IQCJ: variants seen among roughly 807,000 people sequenced by gnomAD.
IQCJ encodes IQ motif containing J.
IQCJ carries 9 observed loss-of-function variants against 11.0 expected under a neutral mutation model. The observed-to-expected ratio is 0.82, with a 90% CI of 0.49 to 1.43. IQCJ has a LOEUF of 1.43. Ranked by LOEUF, IQCJ falls within the 40% of genes most tolerant of loss-of-function variation. The probability of loss-of-function intolerance (pLI) is 0.00; values close to 1 mark genes in which losing one functional copy is unlikely to be tolerated. For synonymous variants in IQCJ, 55 were observed against 51.3 expected, an observed-to-expected ratio of 1.07 and a Z score of -0.31; for missense variants, 146 against 133.2, an observed-to-expected ratio of 1.10 and a Z score of -0.47.
chr3:159,156,931 T>A (rs1404582701), intron 1 of IQCJ, among the ~76,000 whole-genome samples: 1 of 152,162 alleles, frequency 6.6e-6, no homozygotes, highest in Non-Finnish European at 1.5e-5. Context: ...CTAGACTATT[T>A]TCAACTTTTT....
chr3:159,122,122 T>C (rs1294847375), intron 1 of IQCJ, among the ~76,000 whole-genome samples: 2 of 152,164 alleles, frequency 1.3e-5, no homozygotes, highest in Non-Finnish European at 2.9e-5. Context: ...TTTTTATTGG[T>C]TCATTGTGCT....
At chr3:159,218,307 A>G (rs996606209) in intron 1 of IQCJ, among the ~76,000 whole-genome samples, 4 of 151,612 alleles carry the variant, frequency 2.6e-5, no homozygotes, top group African/African-American at 9.7e-5. Context: ...TTGTTGAATA[A>G]ACAACTATGT....
In IQCJ at chr3:159,176,335, T is replaced by C. The variant is rs961059172; in HGVS notation, c.10-69508T>C. 5.9e-5 allele frequency among the ~76,000 whole-genome samples: 9 copies of C among 152,258 alleles called. No individual in the cohort carries two copies. The East Asian group carries it at 1.7e-3, about 29-fold the overall frequency. Reference sequence around the variant, plus strand: ...ATTTTACTGTTGTCTATTTTATTTTTTAAAATATCTTTTCCCTTAGAAATT... The same window carrying C: ...ATTTTACTGTTGTCTATTTTATTTTCTAAAATATCTTTTCCCTTAGAAATT... On this transcript the variant is annotated intron_variant, in intron 1 of 3. Coordinates refer to ENST00000397832, the MANE Select transcript of IQCJ (RefSeq NM_001042706.3).
chr3:159,202,163 A>G (rs1449916651), intron 1 of IQCJ, among the ~76,000 whole-genome samples: 1 of 152,134 alleles, frequency 6.6e-6, no homozygotes. Flanking sequence ...TAGTTTCATC[A>G]GCCTCTCAAA....
At chr3:159,092,236 G>C (rs1717363976) in intron 1 of IQCJ, among the ~76,000 whole-genome samples, 1 of 151,858 alleles carries the variant, frequency 6.6e-6, no homozygotes, top group East Asian at 1.9e-4. Context: ...ATAATCACAA[G>C]GATACAGTCA....
At chr3:159,183,843 C>T (rs1723234324) in intron 1 of IQCJ, among the ~76,000 whole-genome samples, 1 of 152,036 alleles carries the variant, frequency 6.6e-6, no homozygotes, top group African/African-American at 2.4e-5. Flanking sequence ...ATCCACTATC[C>T]CCTGCCATTA....
chr3:159,211,362 G>A (rs1724940698), intron 1 of IQCJ, among the ~76,000 whole-genome samples: 1 of 152,174 alleles, frequency 6.6e-6, no homozygotes, highest in Non-Finnish European at 1.5e-5. Context: ...CAAACAAGGA[G>A]GTTATGTAGA....
intron 1 of IQCJ, among the ~76,000 whole-genome samples, chr3:159,230,562 C>T (rs1265995341): frequency 1.3e-5 from 2 of 152,116 alleles, no homozygotes; most frequent in Non-Finnish European, 2.9e-5. Context: ...GCTTTCCCTT[C>T]CCTAAACAGT....
At chr3:159,202,330 C>A (rs1724399050) in intron 1 of IQCJ, among the ~76,000 whole-genome samples, 1 of 152,286 alleles carries the variant, frequency 6.6e-6, no homozygotes, top group South Asian at 2.1e-4. Context: ...GAATCAGCAT[C>A]ATTTTCTAAA....
chr3:159,117,772 G>T (rs1052900223), intron 1 of IQCJ, among the ~76,000 whole-genome samples: 12 of 152,162 alleles, frequency 7.9e-5, no homozygotes, highest in African/African-American at 2.9e-4. Flanking sequence ...GACAGTTTCT[G>T]CCCTCAGGGA....
At chr3:159,087,569 G>A (rs981054005) in intron 1 of IQCJ, among the ~76,000 whole-genome samples, 11 of 151,160 alleles carry the variant, frequency 7.3e-5, no homozygotes, top group African/African-American at 1.7e-4. Context: ...TGGTTGGTAA[G>A]CTATTGATTA....
chr3:159,174,864 C>T (rs1328139545), intron 1 of IQCJ, among the ~76,000 whole-genome samples: 1 of 151,912 alleles, frequency 6.6e-6, no homozygotes, highest in African/African-American at 2.4e-5. Flanking sequence ...GTACATATCT[C>T]ACCATAAATA....
At chr3:159,218,347 G>A (rs1302147256) in intron 1 of IQCJ, among the ~76,000 whole-genome samples, 2 of 151,284 alleles carry the variant, frequency 1.3e-5, no homozygotes, top group East Asian at 3.9e-4. Context: ...CTCTTTGTGT[G>A]TGTGTGTGTG....
intron 1 of IQCJ, among the ~76,000 whole-genome samples, chr3:159,118,411 C>A (rs905761483): frequency 1.3e-5 from 2 of 152,178 alleles, no homozygotes; most frequent in Non-Finnish European, 2.9e-5. Flanking sequence ...GCAAAAACGA[C>A]CATGACCCCA....
intron 1 of IQCJ, among the ~76,000 whole-genome samples, chr3:159,135,358 T>C (rs2108169277): frequency 6.6e-6 from 1 of 152,312 alleles, no homozygotes; most frequent in Admixed American, 6.5e-5. Flanking sequence ...TTGTAGTGAC[T>C]TTACCTCAGT....
intron 1 of IQCJ, among the ~76,000 whole-genome samples, chr3:159,194,316 C>T: frequency 6.6e-6 from 1 of 152,122 alleles, no homozygotes; most frequent in East Asian, 1.9e-4. Flanking sequence ...TCTATCTTGC[C>T]CTGGAGACAC....
At chr3:159,113,181 C>A (rs1718740241) in intron 1 of IQCJ, among the ~76,000 whole-genome samples, 1 of 152,186 alleles carries the variant, frequency 6.6e-6, no homozygotes. Flanking sequence ...GGGCTCCCAC[C>A]TTTATTGTGA....
At chr3:159,166,937 A>G (rs1722201678) in intron 1 of IQCJ, among the ~76,000 whole-genome samples, 1 of 152,236 alleles carries the variant, frequency 6.6e-6, no homozygotes, top group African/African-American at 2.4e-5. Context: ...GCATCTGCAA[A>G]TACTAGGGAT....
chr3:159,072,390 A>G (rs1001461174), intron 1 of IQCJ, among the ~76,000 whole-genome samples: 1 of 152,056 alleles, frequency 6.6e-6, no homozygotes, highest in African/African-American at 2.4e-5. Context: ...GTGGATGGAA[A>G]AGAAAGGAGA....
Sources: gnomAD v4.1 joint callset for allele counts (sites outside exome capture counted in the v4.1 genomes callset) on GRCh38, gnomAD v4.1.1 for gene constraint, MANE v1.5 for transcripts, NCBI Gene and HGNC (gene_info 2026-07-23, HGNC 2026-07-21) for gene names.